The following CLDN16 variants were observed in gnomAD, a reference collection of about 807,000 sequenced individuals.
CLDN16 encodes the protein claudin 16.
In CLDN16, 13 loss-of-function variants were observed where a neutral mutation model predicts 24.6. That is an observed-to-expected ratio of 0.53 (90% CI 0.34 to 0.84). CLDN16 has a LOEUF of 0.84. Ranked by LOEUF, CLDN16 falls within the 40% of genes least tolerant of loss-of-function variation. The pLI, the probability that CLDN16 is intolerant of heterozygous loss-of-function variation, is 0.01. For missense variants in CLDN16, 298 were observed against 292.7 expected, an observed-to-expected ratio of 1.02 and a Z score of -0.13; for synonymous variants, 116 against 106.7, an observed-to-expected ratio of 1.09 and a Z score of -0.54.
intron 1 of CLDN16, among the ~76,000 whole-genome samples, chr3:190,357,820 C>A (rs1026734805): frequency 6.6e-6 from 1 of 151,906 alleles, no homozygotes; most frequent in Middle Eastern, 3.2e-3. Flanking sequence ...GGGTCTGTAT[C>A]GGTTACATTT....
At chr3:190,405,557 C>A (rs1719077817) in intron 3 of CLDN16, among the ~76,000 whole-genome samples, 1 of 151,538 alleles carries the variant, frequency 6.6e-6, no homozygotes, top group South Asian at 2.1e-4. Context: ...AAGTTAAAAT[C>A]CTAAAGTAAG....
chr3:190,322,275 A>T, upstream of CLDN16: 1 of 1,395,800 alleles, frequency 7.2e-7, no homozygotes, highest in Non-Finnish European at 1.0e-6. Flanking sequence ...GCAGGTGGGC[A>T]ACCCGGACTC....
chr3:190,387,021 A>G (rs988477703), upstream of CLDN16, among the ~76,000 whole-genome samples: 1 of 152,080 alleles, frequency 6.6e-6, no homozygotes, highest in Non-Finnish European at 1.5e-5. Flanking sequence ...TGCCAGAGTA[A>G]TTACCTCTTT....
chr3:190,317,232 A>T, the CLDN16 span, among the ~76,000 whole-genome samples: 15 of 152,184 alleles, frequency 9.9e-5, no homozygotes, highest in African/African-American at 2.9e-4. Context: ...ATGACCACTG[A>T]CTAAAGTTGT....
At chr3:190,303,463 A>C in the CLDN16 span, among the ~76,000 whole-genome samples, 1 of 152,194 alleles carries the variant, frequency 6.6e-6, no homozygotes, top group East Asian at 1.9e-4. Flanking sequence ...TTCAAACTTT[A>C]TCTTTCCTAA....
the CLDN16 span, among the ~76,000 whole-genome samples, chr3:190,302,538 G>A: frequency 6.6e-6 from 1 of 152,126 alleles, no homozygotes; most frequent in Non-Finnish European, 1.5e-5. Flanking sequence ...GGGAGGCTGA[G>A]GTGGGTGGAA....
rs138202288 is a variant in CLDN16, at chr3:190,363,133, T to C, written n.122-7760T>C. Among the ~76,000 whole-genome samples, 574 of 152,084 alleles carry C rather than the reference T, an allele frequency of 3.8e-3. 4 individuals carry two copies. Among genetic ancestry groups the C allele is most frequent in the African/African-American group, 0.013 (532 of 41,548 alleles). ...CAAGGGCACTAATTTTTCTCCAGAA[T>C]TTTTCTTTAGTTTCCATTGTAGTTC... On this transcript the variant is annotated intron_variant and non_coding_transcript_variant, in intron 1 of 4. Coordinates refer to the CLDN16 transcript ENST00000468220.
At chr3:190,407,828 C>T (rs921995443) in intron 3 of CLDN16, among the ~76,000 whole-genome samples, 7 of 152,134 alleles carry the variant, frequency 4.6e-5, no homozygotes, top group African/African-American at 1.2e-4. Flanking sequence ...GTGCTGATTA[C>T]GTAGCTGGCA....
At position 190,408,616 on chromosome 3, in the gene CLDN16, A is replaced by C. The variant is rs1304314672; in HGVS notation, c.574+111A>C. ...ATGTTATTTATTTGAATTCCTACCT[A>C]TTGCCATTAAAAATTCCAATTGTTC... On this transcript the variant is annotated intron_variant, in intron 4 of 4. Transcript: ENST00000264734. The C allele has an allele frequency of 4.0e-6, 4 of 1,005,764 alleles. No individual in the cohort carries two copies. The Admixed American group carries it at 8.5e-5, about 21-fold the overall frequency. 62.3% of individuals were successfully genotyped at this position (1,005,764 alleles called of 1,614,324 possible). A position where few individuals can be genotyped will look rare whatever the true frequency, so the allele number is the denominator to read the frequency against.
At chr3:190,406,231 T>C (rs1719094449) in intron 3 of CLDN16, among the ~76,000 whole-genome samples, 1 of 152,216 alleles carries the variant, frequency 6.6e-6, no homozygotes, top group Non-Finnish European at 1.5e-5. Flanking sequence ...CACAGAAATG[T>C]TAAGTCAACG....
chr3:190,393,271 C>T (rs1718725992), intron 1 of CLDN16, among the ~76,000 whole-genome samples: 1 of 152,132 alleles, frequency 6.6e-6, no homozygotes. Context: ...CCTGAACCAT[C>T]CTACTATTTT....
chr3:190,408,237 G>A, intron 3 of CLDN16, 77 bp from the exon 4 acceptor site: 1 of 1,381,840 alleles, frequency 7.2e-7, no homozygotes. Context: ...CAGCCATTTT[G>A]TGTAGTAAGC....
At chr3:190,348,148 G>A (rs1717593103) in intron 1 of CLDN16, among the ~76,000 whole-genome samples, 1 of 150,464 alleles carries the variant, frequency 6.6e-6, no homozygotes, top group Non-Finnish European at 1.5e-5. Context: ...CCAGCTACTC[G>A]GGCGGCTGAG....
chr3:190,381,708 A>T (rs1452612215), intron 3 of CLDN16, among the ~76,000 whole-genome samples: 2 of 152,034 alleles, frequency 1.3e-5, no homozygotes, highest in Non-Finnish European at 2.9e-5. Context: ...TTTAAGTGAG[A>T]ACAGATGTGC....
chr3:190,331,586 A>G (rs1160487062), intron 1 of CLDN16, among the ~76,000 whole-genome samples: 2 of 152,220 alleles, frequency 1.3e-5, no homozygotes, highest in East Asian at 3.8e-4. Flanking sequence ...CAATGCAGAT[A>G]TAGAGCATTC....
At chr3:190,319,982 A>T (rs1716874743), upstream of CLDN16, among the ~76,000 whole-genome samples, 1 of 152,230 alleles carries the variant, frequency 6.6e-6, no homozygotes, top group Non-Finnish European at 1.5e-5. Flanking sequence ...GGCCTAAGCC[A>T]CACCTTGGAT....
intron 1 of CLDN16, among the ~76,000 whole-genome samples, chr3:190,345,092 C>T (rs960105687): frequency 2.0e-5 from 3 of 152,088 alleles, no homozygotes; most frequent in African/African-American, 7.2e-5. Context: ...CACCCCTCTC[C>T]ACCTAACACA....
chr3:190,357,269 G>C (rs1433502113), intron 1 of CLDN16, among the ~76,000 whole-genome samples: 1 of 151,834 alleles, frequency 6.6e-6, no homozygotes. Flanking sequence ...TCTGGGATCA[G>C]AAAAACACAA....
intron 1 of CLDN16, among the ~76,000 whole-genome samples, chr3:190,351,870 A>G (rs927728974): frequency 3.9e-5 from 6 of 152,168 alleles, no homozygotes; most frequent in African/African-American, 1.4e-4. Flanking sequence ...TGGGAATTAT[A>G]TTCTCTTTTA....
Sources: allele counts gnomAD v4.1 joint callset (sites outside exome capture counted in the v4.1 genomes callset), GRCh38; gene constraint gnomAD v4.1.1; transcripts MANE v1.5; gene names NCBI Gene and HGNC (gene_info 2026-07-23, HGNC 2026-07-21).